MAP9: variants seen among roughly 807,000 people sequenced by gnomAD.
The protein encoded by MAP9 is microtubule-associated protein 9.
A neutral mutation model predicts 75.2 loss-of-function variants in MAP9; 80 were observed. The observed-to-expected ratio is 1.06, with a 90% CI of 0.89 to 1.28. The LOEUF is 1.28. MAP9 is among the 50% of genes most tolerant of loss of function. The pLI is 0.00. For missense variants in MAP9, 753 were observed against 719.9 expected, an observed-to-expected ratio of 1.05 and a Z score of -0.53; for synonymous variants, 235 against 237.3, an observed-to-expected ratio of 0.99 and a Z score of 0.09.
chr4:155,368,921 T>C (rs1048576633), intron 4 of MAP9, 109 bp from the exon 5 acceptor site: 1 of 840,856 alleles, frequency 1.2e-6, no homozygotes, highest in Non-Finnish European at 1.8e-6. Flanking sequence ...CTTTGTTCTC[T>C]GTCCTGAAGA....
intron 5 of MAP9, 140 bp downstream of exon 5, chr4:155,368,446 A>G (rs145862862): frequency 1.4e-6 from 1 of 704,838 alleles, no homozygotes; most frequent in East Asian, 2.7e-5. Flanking sequence ...TTTAAAAATT[A>G]TTTCCTTATC....
rs184002310 is a variant in MAP9, at chr4:155,358,373, G to A, written c.1051-854C>T. Among the ~76,000 whole-genome samples, 67 of 152,202 alleles carry A rather than the reference G, an allele frequency of 4.4e-4. No individual in the cohort carries two copies. The East Asian group carries it at 9.1e-3, about 21-fold the overall frequency. On this transcript the variant is annotated intron_variant, in intron 7 of 13. Transcript: ENST00000311277. ...AACACATCCCTAACTTAGCAGTAGT[G>A]TTTTTTTCCTAAAGAAATTAGCTAA...
rs186493591 is a variant in MAP9 at position 155,353,264 on chromosome 4, T to C, written c.1457A>G (p.Lys486Arg). The change falls in exon 11 of 14, where the codon AAA (lysine) becomes AGA (arginine). Residue 486 changes from lysine (K) to arginine (R), a missense_variant. By Grantham distance (26) the Lys-to-Arg change is conservative (BLOSUM62 2). Coordinates refer to ENST00000311277, the MANE Select transcript of MAP9 (RefSeq NM_001039580.2). ...WKAMKEKEAK[K>R]IAAKKRLEEK... ...TTCAAGCCTCTTTTTGGCAGCTATT[T>C]TCTTTGCTTCCTTTTCTTTCATAGC... 27 of 1,609,432 alleles carry C rather than the reference T, an allele frequency of 1.7e-5. No homozygotes were observed. The highest frequency in any genetic ancestry group is 5.3e-5 in the African/African-American group (4 of 74,878).
intron 6 of MAP9, 40 bp downstream of exon 6, chr4:155,362,008 C>A (rs368791309): frequency 5.2e-6 from 6 of 1,156,524 alleles, no homozygotes; most frequent in Non-Finnish European, 7.7e-6. Context: ...CTAAGTAGTA[C>A]AGAGTTCACA....
rs1354045884 is a variant in MAP9, at chr4:155,344,397, G to A, written c.*3386C>T. 3 of 151,988 alleles carry A rather than the reference G, an allele frequency of 2.0e-5. No homozygotes were observed. The highest frequency in any genetic ancestry group is 7.2e-5 in the African/African-American group (3 of 41,434). The allele number at this position is 151,988 out of a possible 1,614,324, so 9.4% of individuals were successfully genotyped here. On this transcript the variant is annotated 3_prime_UTR_variant, in exon 14 of 14. Coordinates refer to ENST00000311277, the MANE Select transcript of MAP9 (RefSeq NM_001039580.2). The stretch of plus-strand genomic sequence containing the variant: ...GAGATCTAACTCTAGATGTACCATA[G>A]TTAGTTGTATGAGATTGGACAAGTC...
intron 7 of MAP9, among the ~76,000 whole-genome samples, chr4:155,358,958 T>C (rs1311610219): frequency 2.0e-5 from 3 of 152,120 alleles, no homozygotes; most frequent in Non-Finnish European, 4.4e-5. Flanking sequence ...AAGGGAATGC[T>C]TGTATACTCT....
chr4:155,370,467 A>C (rs890520882), intron 4 of MAP9, among the ~76,000 whole-genome samples: 4 of 152,190 alleles, frequency 2.6e-5, no homozygotes, highest in Non-Finnish European at 5.9e-5. Flanking sequence ...CTGGGCTAAC[A>C]GTTGTCATGC....
chr4:155,362,109 T>G lies in MAP9; in HGVS notation c.741A>C (p.Ser247=). Reference sequence around the variant, plus strand: ...AAGAATCTCCAAGAATTTGTTTAAGTGATGATGATGCTAGACTTGTTAAGC... The same window carrying G: ...AAGAATCTCCAAGAATTTGTTTAAGGGATGATGATGCTAGACTTGTTAAGC... ...DSCLTSLASS[S]LKQILGDSFS... is the part of the protein sequence containing the mutation. The change falls in exon 6 of 14, where the codon TCA becomes TCC. Residue 247 remains serine (S), a synonymous_variant. Coordinates refer to ENST00000311277, the MANE Select transcript of MAP9 (RefSeq NM_001039580.2). 6.3e-7 allele frequency: 1 copy of G among 1,596,660 alleles called. No individual in the cohort carries two copies. Among genetic ancestry groups the G allele is most frequent in the Non-Finnish European group, 8.5e-7 (1 of 1,174,576 alleles).
chr4:155,375,076 C>G, intron 2 of MAP9, 55 bp from the exon 3 acceptor site: 1 of 1,273,842 alleles, frequency 7.9e-7, no homozygotes. Flanking sequence ...ATCATATTCA[C>G]AAGTAATTCT....
intron 13 of MAP9, among the ~76,000 whole-genome samples, chr4:155,348,111 G>A (rs1235671145): frequency 6.6e-6 from 1 of 152,130 alleles, no homozygotes; most frequent in Admixed American, 6.6e-5. Flanking sequence ...TAAGGTGGGT[G>A]GATTGTTTGA....
chr4:155,365,823 C>T (rs72617488), intron 5 of MAP9, among the ~76,000 whole-genome samples: 11,121 of 151,718 alleles, frequency 0.073, 971 homozygotes, highest in East Asian at 0.42. Context: ...TCACTATGTA[C>T]CCCATGTACA....
chr4:155,361,263 G>T (rs1208593661), intron 6 of MAP9: 1 of 151,986 alleles, frequency 6.6e-6, no homozygotes, highest in Non-Finnish European at 1.5e-5. Context: ...AATCTGTTCA[G>T]TGAAAAGAAC....
rs1030451815 is a variant in MAP9, at chr4:155,362,056, G to T, written c.794C>A (p.Ser265Tyr). 5 of 1,590,504 alleles carry T rather than the reference G, an allele frequency of 3.1e-6. No homozygotes were observed. The African/African-American group carries it at 6.8e-5, about 22-fold the overall frequency. The part of the protein sequence containing the change: ...SFSPGSEGNA[S>Y]GKDPNEEITE... ...TTATTAGATATAACCACCTTTTCCA[G>T]ATGCGTTTCCCTCAGATCCTGGTGA... The change falls in exon 6 of 14, where the codon TCT (serine) becomes TAT (tyrosine). Residue 265 changes from serine to tyrosine, a missense_variant. By Grantham distance (144) the Ser-to-Tyr change is moderately radical. Coordinates refer to ENST00000311277, the MANE Select transcript of MAP9 (RefSeq NM_001039580.2).
chr4:155,368,867 T>C, intron 4 of MAP9, 55 bp from the exon 5 acceptor site: 1 of 1,427,844 alleles, frequency 7.0e-7, no homozygotes, highest in Non-Finnish European at 9.6e-7. Flanking sequence ...TGGCTTTATC[T>C]ATCTCTCTGG....
At chr4:155,368,527 A>T (rs1732430979) in intron 5 of MAP9, 59 bp downstream of exon 5, 1 of 1,335,240 alleles carries the variant, frequency 7.5e-7, no homozygotes, top group South Asian at 1.2e-5. Context: ...CTTTTTCATA[A>T]TCAGATAAAA....
In MAP9 at chr4:155,360,244, T is replaced by C. The variant is rs750218014; in HGVS notation, c.974A>G (p.Asp325Gly). Reference protein sequence around the residue: ...EKAKAELIMDDDRTVDPLLSK... With the variant: ...EKAKAELIMDGDRTVDPLLSK... ...TAGTAGTGGATCAACTGTTCTGTCA[T>C]CATCCATAATCAGTTCCGCTTTTGC... is the stretch of plus-strand genomic sequence containing the variant. The change falls in exon 7 of 14, where the codon GAT becomes GGT. Residue 325 changes from aspartate to glycine, a missense_variant. By Grantham distance (94) the Asp-to-Gly change is moderately conservative. Transcript: ENST00000311277. The C allele has an allele frequency of 3.1e-6, 5 of 1,613,082 alleles. No individual in the cohort carries two copies. The highest frequency in any genetic ancestry group is 4.2e-6 in the Non-Finnish European group (5 of 1,179,380).
intron 6 of MAP9, among the ~76,000 whole-genome samples, chr4:155,360,778 G>A (rs1732040233): frequency 6.6e-6 from 1 of 151,918 alleles, no homozygotes; most frequent in Admixed American, 6.6e-5. Context: ...TTTCTTAGCT[G>A]GAACAACACG....
chr4:155,367,926 G>A (rs1253009309), intron 5 of MAP9, among the ~76,000 whole-genome samples: 1 of 152,256 alleles, frequency 6.6e-6, no homozygotes, highest in Non-Finnish European at 1.5e-5. Context: ...AGCAGATTAT[G>A]GGGAAGAAAT....
At chr4:155,360,521 T>A (rs1404574091) in intron 6 of MAP9, 106 bp from the exon 7 acceptor site, 1 of 1,093,352 alleles carries the variant, frequency 9.1e-7, no homozygotes, top group Non-Finnish European at 1.3e-6. Flanking sequence ...TAAACTCTTT[T>A]TTCTTGCAAA....
Sources: gnomAD v4.1 joint callset for allele counts (sites outside exome capture counted in the v4.1 genomes callset) on GRCh38, gnomAD v4.1.1 for gene constraint, MANE v1.5 for transcripts, NCBI Gene and HGNC (gene_info 2026-07-23, HGNC 2026-07-21) for gene names.